Variants in CNTNAP4 observed in about 807,000 individuals in gnomAD.
CNTNAP4 encodes the protein contactin associated protein family member 4.
In CNTNAP4, 98 loss-of-function variants were observed where a neutral mutation model predicts 148.4. That is an observed-to-expected ratio of 0.66 (90% confidence interval 0.56 to 0.78). CNTNAP4 has a LOEUF of 0.78. CNTNAP4 is among the 30% of genes least tolerant of loss of function. The pLI, the probability that CNTNAP4 is intolerant of heterozygous loss-of-function variation, is 0.00. For synonymous variants in CNTNAP4, 730 were observed against 565.1 expected, an observed-to-expected ratio of 1.29 and a Z score of -4.14; for missense variants, 1,935 against 1,565.6, an observed-to-expected ratio of 1.24 and a Z score of -3.98.
rs371737833 is a variant in CNTNAP4 at position 76,553,854 on chromosome 16, A to G, written c.3680A>G (p.Asp1227Gly). The change falls in exon 23 of 24, where the codon GAT becomes GGT. Residue 1227 changes from aspartate to glycine, a missense_variant. Transcript: ENST00000611870. ...HSFADHSGTI[D>G]DREPLANAIK... ...ACTGCAGATCATTCTGGAACAATAGATGACAGAGAGCCCCTTGCTAATGCA... is the reference window on the plus strand; with the variant it reads ...ACTGCAGATCATTCTGGAACAATAGGTGACAGAGAGCCCCTTGCTAATGCA... 6.2e-7 allele frequency: 1 copy of G among 1,612,166 alleles called. No individual in the cohort carries two copies. Among genetic ancestry groups the G allele is most frequent in the Non-Finnish European group, 8.5e-7 (1 of 1,178,408 alleles).
At chr16:76,308,474 A>C (rs1806737511) in intron 1 of CNTNAP4, among the ~76,000 whole-genome samples, 1 of 152,064 alleles carries the variant, frequency 6.6e-6, no homozygotes, top group Non-Finnish European at 1.5e-5. Flanking sequence ...AGCTTCCTCC[A>C]CACACCGTCA....
At chr16:76,420,431 AC>A (rs2079149153) in intron 3 of CNTNAP4, among the ~76,000 whole-genome samples, 1 of 151,956 alleles carries the variant, frequency 6.6e-6, no homozygotes, top group African/African-American at 2.4e-5. Context: ...TTTACAGGCA[AC>A]CAGAAGCACT....
intron 4 of CNTNAP4, among the ~76,000 whole-genome samples, chr16:76,435,472 AT>A (rs1335712994): frequency 6.6e-6 from 1 of 152,082 alleles, no homozygotes. Flanking sequence ...GGATCCAGTT[AT>A]TCCCATTTTA....
chr16:76,355,546 G>GAAAAAAAAAA, intron 3 of CNTNAP4, 35 bp downstream of exon 3: 1 of 1,507,182 alleles, frequency 6.6e-7, no homozygotes, highest in Non-Finnish European at 8.9e-7. Flanking sequence ...GTCTCTCGGG[G>GAAAAAAAAAA]AAAAAGTATA....
intron 13 of CNTNAP4, among the ~76,000 whole-genome samples, chr16:76,493,722 A>T (rs1023455259): frequency 1.3e-5 from 2 of 152,204 alleles, no homozygotes; most frequent in Non-Finnish European, 2.9e-5. Context: ...TCATGTAATT[A>T]AAAAAAGACG....
chr16:76,317,300 A>AC (rs144505397), intron 2 of CNTNAP4, among the ~76,000 whole-genome samples: 4 of 118,784 alleles, frequency 3.4e-5, no homozygotes, highest in African/African-American at 5.8e-5. Context: ...AACCCAAAAA[A>AC]CCCCCCAAAA....
intron 3 of CNTNAP4, among the ~76,000 whole-genome samples, chr16:76,393,945 C>G (rs922220895): frequency 6.6e-6 from 1 of 152,212 alleles, no homozygotes; most frequent in Non-Finnish European, 1.5e-5. Context: ...AACAGAAACT[C>G]TATTAGACTG....
chr16:76,317,283 A>G (rs1407733804), intron 2 of CNTNAP4, among the ~76,000 whole-genome samples: 3 of 123,594 alleles, frequency 2.4e-5, no homozygotes, highest in African/African-American at 8.9e-5. Flanking sequence ...AAAACCAAAA[A>G]AAAAAAAACC....
At chr16:76,335,634 C>T (rs753872578) in intron 2 of CNTNAP4, among the ~76,000 whole-genome samples, 4 of 152,228 alleles carry the variant, frequency 2.6e-5, no homozygotes, top group Middle Eastern at 3.4e-3. Flanking sequence ...ATTCAGTTAT[C>T]TGAATGTGAA....
intron 4 of CNTNAP4, among the ~76,000 whole-genome samples, chr16:76,446,014 C>G (rs951497247): frequency 3.4e-4 from 52 of 152,068 alleles, no homozygotes; most frequent in Non-Finnish European, 5.0e-4. Flanking sequence ...TAACATTATT[C>G]TTTCTACAGA....
intron 2 of CNTNAP4, among the ~76,000 whole-genome samples, chr16:76,351,457 T>C (rs1283352590): frequency 3.3e-5 from 5 of 152,192 alleles, no homozygotes; most frequent in African/African-American, 1.2e-4. Flanking sequence ...TATTTAGCAT[T>C]TGTCTTAAAA....
chr16:76,322,245 A>T (rs2216744), intron 2 of CNTNAP4, among the ~76,000 whole-genome samples: 50,443 of 151,954 alleles, frequency 0.33, 8,861 homozygotes, highest in African/African-American at 0.38. Context: ...TTCTGTCTTG[A>T]GCCCTAATTT....
chr16:76,405,490 T>C (rs1413157523), intron 3 of CNTNAP4, among the ~76,000 whole-genome samples: 1 of 152,238 alleles, frequency 6.6e-6, no homozygotes, highest in Non-Finnish European at 1.5e-5. Flanking sequence ...GACTGGAAGC[T>C]ATTTTGTATT....
chr16:76,463,564 G>C (rs1446797790), intron 9 of CNTNAP4, among the ~76,000 whole-genome samples: 1 of 151,986 alleles, frequency 6.6e-6, no homozygotes, highest in Non-Finnish European at 1.5e-5. Flanking sequence ...AGTATTTTTG[G>C]ATAGTTTTAG....
At chr16:76,363,289 A>C (rs1040130821) in intron 3 of CNTNAP4, among the ~76,000 whole-genome samples, 11 of 151,254 alleles carry the variant, frequency 7.3e-5, no homozygotes, top group African/African-American at 2.7e-4. Context: ...CAGCCTCCTG[A>C]GTGGCAGGGA....
chr16:76,370,353 C>T (rs2014657086), intron 3 of CNTNAP4, among the ~76,000 whole-genome samples: 1 of 151,906 alleles, frequency 6.6e-6, no homozygotes, highest in South Asian at 2.1e-4. Flanking sequence ...ATCAGAGAAA[C>T]AAGTTACCTC....
chr16:76,447,338 G>GTATATATATATATGAAATTATA (rs1555559367), intron 4 of CNTNAP4, among the ~76,000 whole-genome samples: 4,829 of 117,332 alleles, frequency 0.041, 184 homozygotes, highest in African/African-American at 0.11. Context: ...ATGAAATTAT[G>GTATATATATATATGAAATTATA]TATATATATA....
chr16:76,372,247 C>G lies in CNTNAP4; in HGVS notation c.390+16736C>G, dbSNP rs189471858. 2.6e-3 allele frequency among the ~76,000 whole-genome samples: 393 copies of G among 150,172 alleles called. 4 individuals are homozygous for G. The highest frequency in any genetic ancestry group is 0.014 in the Middle Eastern group (4 of 288). The stretch of plus-strand genomic sequence containing the variant: ...CTCCGCCTCCCAGGTCCATGCCATT[C>G]TCCTGCCTCAGCCTCCCGAGTACCT... On this transcript the variant is annotated intron_variant, in intron 3 of 23. Coordinates refer to ENST00000611870, the MANE Select transcript of CNTNAP4 (RefSeq NM_033401.5).
At chr16:76,520,794 C>T (rs1404177305) in intron 15 of CNTNAP4, among the ~76,000 whole-genome samples, 1 of 152,116 alleles carries the variant, frequency 6.6e-6, no homozygotes, top group African/African-American at 2.4e-5. Context: ...AAAAGATTGC[C>T]TATTTATCAA....
Sources: gnomAD v4.1 joint callset for allele counts (sites outside exome capture counted in the v4.1 genomes callset) on GRCh38, gnomAD v4.1.1 for gene constraint, MANE v1.5 for transcripts, NCBI Gene and HGNC (gene_info 2026-07-23, HGNC 2026-07-21) for gene names.